Variants in ARHGAP42 observed in about 807,000 individuals in gnomAD.
ARHGAP42 encodes the protein rho GTPase-activating protein 42.
Under a neutral mutation model 125.0 loss-of-function variants are expected in ARHGAP42, and 63 were observed. That is an observed-to-expected ratio of 0.50 (90% CI 0.41 to 0.62). The LOEUF (loss-of-function observed/expected upper bound fraction) is 0.62. Ranked by LOEUF, ARHGAP42 falls within the 20% of genes least tolerant of loss-of-function variation. ARHGAP42 has a pLI of 0.00. For synonymous variants in ARHGAP42, 339 were observed against 351.0 expected (o/e 0.97, Z 0.38); for missense variants, 766 against 1,024.2 (o/e 0.75, Z 3.44).
chr11:100,914,493 G>T (rs888135894), intron 5 of ARHGAP42, among the ~76,000 whole-genome samples: 4 of 139,472 alleles, frequency 2.9e-5, no homozygotes, highest in Non-Finnish European at 6.1e-5. Context: ...AGACTCCCTT[G>T]CCATTGTCAC....
At chr11:100,977,090 A>T in intron 21 of ARHGAP42, 119 bp downstream of exon 21, 1 of 1,160,270 alleles carries the variant, frequency 8.6e-7, no homozygotes, top group Non-Finnish European at 1.2e-6. Context: ...TTATCTGTAG[A>T]GTGGGTACAG....
intron 3 of ARHGAP42, among the ~76,000 whole-genome samples, chr11:100,827,664 G>T (rs1454293709): frequency 6.6e-6 from 1 of 152,208 alleles, no homozygotes; most frequent in African/African-American, 2.4e-5. Context: ...CACAGGAGAG[G>T]CACTGCCCAC....
chr11:100,919,171 C>CACCAAG (rs1867165233), intron 5 of ARHGAP42, among the ~76,000 whole-genome samples: 1 of 152,118 alleles, frequency 6.6e-6, no homozygotes, highest in Admixed American at 6.6e-5. Context: ...AAATGTTGTC[C>CACCAAG]ACCAAGGAAG....
At chr11:100,772,061 C>T (rs1419388570) in intron 2 of ARHGAP42, among the ~76,000 whole-genome samples, 2 of 152,250 alleles carry the variant, frequency 1.3e-5, no homozygotes, top group South Asian at 4.1e-4. Context: ...CTTCCTCTGC[C>T]CTTTCTTTTT....
chr11:100,731,137 A>G (rs1861949916), intron 1 of ARHGAP42, among the ~76,000 whole-genome samples: 1 of 151,994 alleles, frequency 6.6e-6, no homozygotes, highest in Admixed American at 6.6e-5. Context: ...GCCTCACAGT[A>G]TAACTTAGAT....
At chr11:100,923,543 C>A (rs1258152893) in intron 6 of ARHGAP42, among the ~76,000 whole-genome samples, 2 of 151,188 alleles carry the variant, frequency 1.3e-5, no homozygotes, top group African/African-American at 4.9e-5. Context: ...CAGATGTATA[C>A]AGAGGAGATT....
chr11:100,919,344 G>A (rs1376627553), intron 5 of ARHGAP42, among the ~76,000 whole-genome samples: 2 of 152,098 alleles, frequency 1.3e-5, no homozygotes, highest in Non-Finnish European at 2.9e-5. Flanking sequence ...CCTCTTAGCA[G>A]TTAGAGTGAT....
At chr11:100,770,028 G>A (rs1200552841) in intron 1 of ARHGAP42, among the ~76,000 whole-genome samples, 4 of 152,098 alleles carry the variant, frequency 2.6e-5, no homozygotes, top group Non-Finnish European at 5.9e-5. Flanking sequence ...TGAGTGAGTG[G>A]TAGTTCCTTG....
intron 3 of ARHGAP42, among the ~76,000 whole-genome samples, chr11:100,846,530 A>G (rs970123806): frequency 6.6e-5 from 10 of 152,126 alleles, no homozygotes; most frequent in Non-Finnish European, 8.8e-5. Context: ...ACTTCCAACC[A>G]ATAAGCTTAT....
At chr11:100,960,540 A>G (rs555234268) in intron 13 of ARHGAP42, among the ~76,000 whole-genome samples, 3 of 152,258 alleles carry the variant, frequency 2.0e-5, no homozygotes, top group South Asian at 4.1e-4. Context: ...CTGTTTCCTC[A>G]TCTCTAAAAT....
chr11:100,720,040 ACC>A (rs1861733936), intron 1 of ARHGAP42, among the ~76,000 whole-genome samples: 1 of 152,138 alleles, frequency 6.6e-6, no homozygotes, highest in Non-Finnish European at 1.5e-5. Context: ...TGTAGCTTTT[ACC>A]ATTGTTGCTT....
chr11:100,870,535 C>A (rs1865672132), intron 4 of ARHGAP42, among the ~76,000 whole-genome samples: 1 of 152,114 alleles, frequency 6.6e-6, no homozygotes. Flanking sequence ...CTTATAGGTT[C>A]TTTGTTCAGG....
rs182863488 is a variant in ARHGAP42 at position 100,734,069 on chromosome 11, G to T, written c.155-36274G>T. Among the ~76,000 whole-genome samples, 1,211 of 150,358 alleles carry T rather than the reference G, an allele frequency of 8.1e-3. 15 individuals are homozygous for T. Among genetic ancestry groups the T allele is most frequent in the African/African-American group, 0.028 (1,142 of 41,028 alleles). Reference sequence around the variant, plus strand: ...CCTGCCTCAGCCTCCCGAGTAGCTGGGATTACAGGCACCCACCAGCATGCC... The same window carrying T: ...CCTGCCTCAGCCTCCCGAGTAGCTGTGATTACAGGCACCCACCAGCATGCC... On this transcript the variant is annotated intron_variant, in intron 1 of 23. Coordinates refer to ENST00000298815, the MANE Select transcript of ARHGAP42 (RefSeq NM_152432.4).
intron 17 of ARHGAP42, among the ~76,000 whole-genome samples, chr11:100,971,263 T>C (rs1174241173): frequency 1.3e-5 from 2 of 152,184 alleles, no homozygotes; most frequent in Non-Finnish European, 2.9e-5. Flanking sequence ...ATTTTTTCTC[T>C]GTTTATTGGA....
chr11:100,728,713 C>CATATATATATAT (rs1861903204), intron 1 of ARHGAP42, among the ~76,000 whole-genome samples: 1 of 95,310 alleles, frequency 1.0e-5, no homozygotes. Context: ...AATGACTTTG[C>CATATATATATAT]GTATATATAT....
chr11:100,761,132 GA>G (rs373773623), intron 1 of ARHGAP42, among the ~76,000 whole-genome samples: 8 of 146,904 alleles, frequency 5.4e-5, no homozygotes, highest in African/African-American at 1.0e-4. Context: ...TGTAGTTAAA[GA>G]AAAAAAAAAG....
intron 22 of ARHGAP42, among the ~76,000 whole-genome samples, chr11:100,981,278 G>A (rs763307176): frequency 6.6e-6 from 1 of 152,162 alleles, no homozygotes; most frequent in Non-Finnish European, 1.5e-5. Context: ...TGTTGAAACT[G>A]CTTGCCTAAG....
At chr11:100,981,624 A>G (rs1203408015) in intron 22 of ARHGAP42, among the ~76,000 whole-genome samples, 4 of 152,332 alleles carry the variant, frequency 2.6e-5, no homozygotes, top group Non-Finnish European at 5.9e-5. Context: ...GTCATTGAAC[A>G]CAGGGGTGAT....
chr11:100,889,087 A>G (rs571475818), intron 4 of ARHGAP42, among the ~76,000 whole-genome samples: 4 of 152,344 alleles, frequency 2.6e-5, no homozygotes, highest in African/African-American at 9.6e-5. Context: ...TCATGTTTTA[A>G]GTAGCACACT....
Sources: allele counts gnomAD v4.1 joint callset (sites outside exome capture counted in the v4.1 genomes callset), GRCh38; gene constraint gnomAD v4.1.1; transcripts MANE v1.5; gene names NCBI Gene and HGNC (gene_info 2026-07-23, HGNC 2026-07-21).